TEK: variants seen among roughly 807,000 people sequenced by gnomAD.
The protein encoded by TEK is angiopoietin-1 receptor.
A neutral mutation model predicts 131.8 loss-of-function variants in TEK; 43 were observed. That is an observed-to-expected ratio of 0.33 (90% CI 0.26 to 0.42). The LOEUF is 0.42. Among genes scored for constraint, TEK ranks in the 10% least tolerant of loss-of-function variants. The probability of loss-of-function intolerance (pLI) is 1.00; values close to 1 mark genes in which losing one functional copy is unlikely to be tolerated. For missense variants in TEK, 1,162 were observed against 1,384.4 expected (o/e 0.84, Z 2.55); for synonymous variants, 580 against 491.6 (o/e 1.18, Z -2.38).
intron 9 of TEK, among the ~76,000 whole-genome samples, chr9:27,186,773 G>C (rs181592158): frequency 2.9e-3 from 439 of 152,134 alleles, no homozygotes; most frequent in African/African-American, 0.01. Flanking sequence ...TAATCTCTTG[G>C]GAGATCTCAG....
At chr9:27,210,131 C>A (rs1825549208) in intron 16 of TEK, among the ~76,000 whole-genome samples, 1 of 152,176 alleles carries the variant, frequency 6.6e-6, no homozygotes, top group South Asian at 2.1e-4. Context: ...ATTCTATGAT[C>A]CAATAAGGGT....
chr9:27,186,166 T>C (rs1824591563), intron 9 of TEK, among the ~76,000 whole-genome samples: 1 of 152,226 alleles, frequency 6.6e-6, no homozygotes, highest in Non-Finnish European at 1.5e-5. Flanking sequence ...CATTCAGGGC[T>C]GTGGGCATTT....
chr9:27,213,362 G>T, intron 17 of TEK, 122 bp from the exon 18 acceptor site: 1 of 718,062 alleles, frequency 1.4e-6, no homozygotes, highest in Non-Finnish European at 2.4e-6. Flanking sequence ...AACTTTAAGG[G>T]AACTGGATTG....
chr9:27,154,981 A>G (rs911069087), intron 1 of TEK, among the ~76,000 whole-genome samples: 1 of 152,232 alleles, frequency 6.6e-6, no homozygotes, highest in Non-Finnish European at 1.5e-5. Flanking sequence ...ATTATTTCCT[A>G]AAGCTATTAA....
At chr9:27,200,925 G>C (rs377368793) in intron 12 of TEK, among the ~76,000 whole-genome samples, 1 of 152,072 alleles carries the variant, frequency 6.6e-6, no homozygotes, top group Non-Finnish European at 1.5e-5. Context: ...GAACTAGTAC[G>C]GCATGGGGAT....
rs773681836 is a variant in TEK at position 27,206,568 on chromosome 9, A to G, written c.2365-14A>G. The G allele has an allele frequency of 1.5e-5, 24 of 1,610,496 alleles. No homozygotes were observed. The highest frequency in any genetic ancestry group is 2.0e-5 in the Non-Finnish European group (23 of 1,178,212). On this transcript the variant is annotated splice_polypyrimidine_tract_variant and intron_variant, in intron 14 of 22. Transcript: ENST00000380036. ...AAATCCTGACACAAAATGATGAAAT[A>G]ATTATTTTTCCAGAGGGAAGAACCA...
chr9:27,172,915 T>C (rs1482781460), intron 5 of TEK, among the ~76,000 whole-genome samples, 168 bp downstream of exon 5: 6 of 152,168 alleles, frequency 3.9e-5, no homozygotes, highest in Non-Finnish European at 1.5e-5. Context: ...AAAGGTTCTT[T>C]AATGCCAACC....
At chr9:27,221,979 G>C (rs1273986042) in intron 21 of TEK, among the ~76,000 whole-genome samples, 2 of 152,176 alleles carry the variant, frequency 1.3e-5, no homozygotes, top group Non-Finnish European at 2.9e-5. Flanking sequence ...ATGCAAGGAA[G>C]CTAAGAACGT....
rs771889665 is a variant in TEK at position 27,204,914 on chromosome 9, C to G, written c.2213C>G (p.Pro738Arg). Residue 738 changes from proline to arginine, a missense_variant, in exon 14 of 23, where the codon CCA (proline) becomes CGA (arginine). By Grantham distance (103) the Pro-to-Arg change is moderately radical. Transcript: ENST00000380036. Reference protein sequence around the residue: ...ELVTLPESQAPADLGGGKMLL... With the variant: ...ELVTLPESQARADLGGGKMLL... The stretch of plus-strand genomic sequence containing the variant: ...TCACCTCTGTCTTCCTGCACAGCAC[C>G]AGCGGACCTCGGAGGGGGGAAGATG... 9.3e-6 allele frequency: 15 copies of G among 1,613,756 alleles called. No individual in the cohort carries two copies. Among genetic ancestry groups the G allele is most frequent in the Non-Finnish European group, 1.1e-5 (13 of 1,179,870 alleles).
At chr9:27,122,004 A>C (rs1197865796) in intron 1 of TEK, among the ~76,000 whole-genome samples, 1 of 152,226 alleles carries the variant, frequency 6.6e-6, no homozygotes, top group African/African-American at 2.4e-5. Flanking sequence ...GGAAACCTGG[A>C]AAGTGGGTAT....
intron 19 of TEK, among the ~76,000 whole-genome samples, chr9:27,218,047 G>A (rs544368286): frequency 1.3e-5 from 2 of 150,398 alleles, no homozygotes; most frequent in Admixed American, 6.6e-5. Context: ...GGGACATACC[G>A]GCCTTCCTGT....
intron 18 of TEK, among the ~76,000 whole-genome samples, chr9:27,213,820 C>G (rs1454075143): frequency 6.6e-6 from 1 of 152,182 alleles, no homozygotes; most frequent in Non-Finnish European, 1.5e-5. Context: ...TCATGTGTGA[C>G]CAAGTGATTG....
In TEK at chr9:27,219,963, CT is replaced by C. The variant is rs1825995580; in HGVS notation, c.3104-85del. On this transcript the variant is annotated intron_variant, in intron 20 of 22. Coordinates refer to ENST00000380036, the MANE Select transcript of TEK (RefSeq NM_000459.5). ...TCTCTTGCCATACCATGTCTTCCTC[CT>C]GGCCCCTTATATTTAGAAACCCTGG... The C allele has an allele frequency of 7.2e-6, 10 of 1,392,618 alleles. No homozygotes were observed. In the South Asian group the frequency reaches 1.2e-4, roughly 16 times the overall value. The allele number at this position is 1,392,618 out of a possible 1,614,324, so 86.3% of individuals were successfully genotyped here.
chr9:27,205,704 A>G (rs941949284), intron 14 of TEK, among the ~76,000 whole-genome samples: 1 of 152,042 alleles, frequency 6.6e-6, no homozygotes, highest in Non-Finnish European at 1.5e-5. Flanking sequence ...GAGGCATCTT[A>G]TTTGAGTTCT....
chr9:27,138,904 A>G (rs1822608038), intron 1 of TEK, among the ~76,000 whole-genome samples: 1 of 152,116 alleles, frequency 6.6e-6, no homozygotes, highest in Non-Finnish European at 1.5e-5. Flanking sequence ...GATTCACTGT[A>G]GCAGTTTTGA....
chr9:27,137,957 G>A (rs1406177960), intron 1 of TEK, among the ~76,000 whole-genome samples: 2 of 152,114 alleles, frequency 1.3e-5, no homozygotes, highest in African/African-American at 4.8e-5. Flanking sequence ...GATGTGTCTG[G>A]AGTTTCTTCC....
At chr9:27,174,754 A>G (rs532612509) in intron 6 of TEK, among the ~76,000 whole-genome samples, 5 of 152,262 alleles carry the variant, frequency 3.3e-5, no homozygotes, top group African/African-American at 1.2e-4. Context: ...ACAGCAGTGG[A>G]GAAATCCCAT....
intron 11 of TEK, among the ~76,000 whole-genome samples, chr9:27,193,436 G>A (rs1312105090): frequency 6.6e-6 from 1 of 152,166 alleles, no homozygotes; most frequent in Admixed American, 6.5e-5. Context: ...TAGATAACAT[G>A]TGTAAAATTA....
intron 2 of TEK, among the ~76,000 whole-genome samples, chr9:27,166,320 G>A (rs1452527587): frequency 6.6e-6 from 1 of 152,244 alleles, no homozygotes; most frequent in African/African-American, 2.4e-5. Flanking sequence ...ATATTCAACA[G>A]ATCTCTAATA....
Sources: allele counts gnomAD v4.1 joint callset (sites outside exome capture counted in the v4.1 genomes callset), GRCh38; gene constraint gnomAD v4.1.1; transcripts MANE v1.5; gene names NCBI Gene and HGNC (gene_info 2026-07-23, HGNC 2026-07-21).